The following ZNF610 variants were observed in gnomAD, a reference collection of about 807,000 sequenced individuals.
ZNF610 encodes zink finger protein.
Under a neutral mutation model 14.1 loss-of-function variants are expected in ZNF610, and 14 were observed. The ratio of observed to expected loss-of-function variants is 0.99; its 90% confidence interval spans 0.65 to 1.55. The LOEUF (loss-of-function observed/expected upper bound fraction) is 1.55, where lower values mean the gene tolerates loss of function less well. Among genes scored for constraint, ZNF610 ranks in the 40% most tolerant of loss-of-function variants. The pLI is 0.00. For synonymous variants in ZNF610, 185 were observed against 187.6 expected, an observed-to-expected ratio of 0.99 and a Z score of 0.11; for missense variants, 530 against 558.0, an observed-to-expected ratio of 0.95 and a Z score of 0.51.
At chr19:52,341,320 AT>A (rs999091188) in intron 1 of ZNF610, among the ~76,000 whole-genome samples, 2 of 151,258 alleles carry the variant, frequency 1.3e-5, no homozygotes, top group African/African-American at 2.4e-5. Context: ...TTTTATTTTT[AT>A]TTTTTTTGAG....
chr19:52,355,957 C>G (rs916375726), intron 5 of ZNF610, among the ~76,000 whole-genome samples: 6 of 152,136 alleles, frequency 3.9e-5, no homozygotes, highest in Admixed American at 6.5e-5. Context: ...GATATTAACT[C>G]AATCTCCAGC....
Position 52,366,746 on chromosome 19 carries a change from G to A in ZNF610, c.1368G>A (p.Leu456=). ...AAATTCATGCTGGAGAGAATTCACT[G>A]CGTACCTTACAGATGGAATGAATGT... is the stretch of plus-strand genomic sequence containing the variant. The part of the protein sequence containing the change: ...HRKIHAGENS[L]RTLQME Residue 456 remains leucine, a synonymous_variant, in exon 6 of 6, where the codon CTG becomes CTA. Transcript: ENST00000403906. The A allele has an allele frequency of 6.2e-7, 1 of 1,613,234 alleles. No individual in the cohort carries two copies. Among genetic ancestry groups the A allele is most frequent in the Non-Finnish European group, 8.5e-7 (1 of 1,179,348 alleles).
At chr19:52,357,574 G>A (rs1303803068) in intron 5 of ZNF610, among the ~76,000 whole-genome samples, 1 of 149,226 alleles carries the variant, frequency 6.7e-6, no homozygotes, top group Non-Finnish European at 1.5e-5. Flanking sequence ...GAACCCGGGA[G>A]GCGGAGCTTG....
upstream of ZNF610, among the ~76,000 whole-genome samples, chr19:52,332,455 TTA>T (rs1458269539): frequency 1.3e-5 from 2 of 152,236 alleles, no homozygotes. The surrounding 1 kb of genome is among the most constrained non-coding windows in gnomAD (Gnocchi z 4.1). Context: ...ATTTCTGCCA[TTA>T]TCATCTTCTT....
At chr19:52,338,991 A>T (rs1372248533) in intron 1 of ZNF610, among the ~76,000 whole-genome samples, 1 of 151,826 alleles carries the variant, frequency 6.6e-6, no homozygotes, top group African/African-American at 2.4e-5. Flanking sequence ...GGAGAGGGGG[A>T]TGTGGCAGGA....
intron 5 of ZNF610, among the ~76,000 whole-genome samples, chr19:52,359,289 G>A (rs906965670): frequency 3.3e-5 from 5 of 152,142 alleles, no homozygotes; most frequent in African/African-American, 1.2e-4. Context: ...GCATTTGTGT[G>A]TGTCTTCTCT....
At position 52,365,846 on chromosome 19, in the gene ZNF610, C is replaced by T; in HGVS notation, c.468C>T (p.Asn156=). The T allele has an allele frequency of 6.2e-7, 1 of 1,614,108 alleles. No homozygotes were observed. The highest frequency in any genetic ancestry group is 1.1e-5 in the South Asian group (1 of 91,046). Residue 156 remains asparagine (N), a synonymous_variant, in exon 6 of 6, where the codon AAC becomes AAT. Coordinates refer to ENST00000403906, the MANE Select transcript of ZNF610 (RefSeq NM_001161425.2). ...GTAATCAAGTTGAAAAGTTTACAAA[C>T]CATCGTTCCTCAGTTTCACCACTTC... ...YRSNQVEKFT[N]HRSSVSPLQK...
chr19:52,366,182 G>GT lies in ZNF610; in HGVS notation c.807dup (p.Asn270Ter). On this transcript the variant is annotated frameshift_variant, in exon 6 of 6. Coordinates refer to ENST00000403906, the MANE Select transcript of ZNF610 (RefSeq NM_001161425.2). LOFTEE classifies it low-confidence loss of function (END_TRUNC). The stretch of plus-strand genomic sequence containing the variant: ...ACAAATGTAGTGAATGTGACAAGGT[G>GT]TTTAATCGCAATTCAAACCTTGCAC... The GT allele has an allele frequency of 1.9e-6, 3 of 1,613,698 alleles. No homozygotes were observed. Among genetic ancestry groups the GT allele is most frequent in the Non-Finnish European group, 2.5e-6 (3 of 1,179,730 alleles).
At chr19:52,350,072 T>C (rs971198036) in intron 3 of ZNF610, among the ~76,000 whole-genome samples, 2 of 152,082 alleles carry the variant, frequency 1.3e-5, no homozygotes, top group African/African-American at 4.8e-5. Flanking sequence ...CTGCAGGGAG[T>C]CTTGTACAGC....
Position 52,347,832 on chromosome 19 carries a change from G to T in ZNF610, c.-132G>T, listed in dbSNP as rs1354011555. 2 of 152,070 alleles carry T rather than the reference G, an allele frequency of 1.3e-5. No homozygotes were observed. The highest frequency in any genetic ancestry group is 4.8e-5 in the African/African-American group (2 of 41,394). The allele number at this position is 152,070 out of a possible 1,614,324, so 9.4% of individuals were successfully genotyped here. On this transcript the variant is annotated 5_prime_UTR_variant, in exon 2 of 6. Coordinates refer to ENST00000403906, the MANE Select transcript of ZNF610 (RefSeq NM_001161425.2). ...GCCACTACGCCTGGCCAAGTATTCG[G>T]TATTTATAAAATCTACAGTAGTACA...
chr19:52,335,656 C>G (rs1005866686), upstream of ZNF610, among the ~76,000 whole-genome samples: 2 of 152,172 alleles, frequency 1.3e-5, no homozygotes, highest in African/African-American at 2.4e-5. Context: ...AACCTCCCAG[C>G]CTACATCTTT....
intron 5 of ZNF610, among the ~76,000 whole-genome samples, chr19:52,355,056 C>G (rs1328204425): frequency 1.3e-5 from 2 of 152,182 alleles, no homozygotes; most frequent in African/African-American, 4.8e-5. Context: ...TGTTGCCACC[C>G]AGAGACAAAA....
At chr19:52,331,163 T>G in the ZNF610 span, among the ~76,000 whole-genome samples, 2 of 152,164 alleles carry the variant, frequency 1.3e-5, no homozygotes, top group Non-Finnish European at 1.5e-5. Context: ...CTCAGACAGG[T>G]GATCAAGGTT....
intron 1 of ZNF610, among the ~76,000 whole-genome samples, chr19:52,344,461 G>A (rs1252587267): frequency 2.0e-5 from 3 of 152,160 alleles, no homozygotes; most frequent in Admixed American, 6.6e-5. Flanking sequence ...GGGGAGAGAC[G>A]AGCCAGAAGG....
intron 3 of ZNF610, among the ~76,000 whole-genome samples, chr19:52,350,677 C>T (rs1237845249): frequency 6.7e-6 from 1 of 149,800 alleles, no homozygotes; most frequent in Non-Finnish European, 1.5e-5. Context: ...GACTGTGTCT[C>T]AAAAACAAAA....
rs886816278 is a variant in ZNF610, at chr19:52,354,452, T to C, written c.319+73T>C. ...ATTTTTGAGCCAGGGTGTTCCGCTA[T>C]CACCCAGGCTGTAGTGCAGTGGCAA... is the stretch of plus-strand genomic sequence containing the variant. On this transcript the variant is annotated intron_variant, in intron 5 of 5. Coordinates refer to ENST00000403906, the MANE Select transcript of ZNF610 (RefSeq NM_001161425.2). 1.4e-5 allele frequency: 21 copies of C among 1,509,260 alleles called. No individual in the cohort carries two copies. In the African/African-American group the frequency reaches 2.8e-4, roughly 20 times the overall value. 93.5% of individuals were successfully genotyped at this position (1,509,260 alleles called of 1,614,324 possible). A position where few individuals can be genotyped will look rare whatever the true frequency, so the allele number is the denominator to read the frequency against.
At chr19:52,338,922 C>CGCGCCGGTCCG (rs113271120) in intron 1 of ZNF610, among the ~76,000 whole-genome samples, 5 of 151,784 alleles carry the variant, frequency 3.3e-5, no homozygotes, top group African/African-American at 1.2e-4. Flanking sequence ...ACGGAGGACC[C>CGCGCCGGTCCG]GCGCCGGCCC....
At chr19:52,333,172 A>G (rs1984247728), upstream of ZNF610, among the ~76,000 whole-genome samples, 1 of 152,200 alleles carries the variant, frequency 6.6e-6, no homozygotes, top group South Asian at 2.1e-4. Context: ...TTAGAAGGAG[A>G]GCTCTTAACC....
chr19:52,341,591 A>G (rs1423705327), intron 1 of ZNF610, among the ~76,000 whole-genome samples: 1 of 151,814 alleles, frequency 6.6e-6, no homozygotes, highest in African/African-American at 2.4e-5. Flanking sequence ...TATAGGCATG[A>G]GCCACCGTGC....
Sources: gnomAD v4.1 joint callset for allele counts (sites outside exome capture counted in the v4.1 genomes callset) on GRCh38, gnomAD v4.1.1 for gene constraint, Gnocchi (gnomAD v3.1) non-coding constraint, MANE v1.5 for transcripts, NCBI Gene and HGNC (gene_info 2026-07-23, HGNC 2026-07-21) for gene names.